Variants in ZNF704 observed in about 807,000 individuals in gnomAD.
The protein encoded by ZNF704 is glucocorticoid induced gene 1.
A neutral mutation model predicts 44.7 loss-of-function variants in ZNF704; 10 were observed. The observed-to-expected ratio is 0.22, with a 90% CI of 0.14 to 0.38. ZNF704 has a LOEUF of 0.38. Ranked by LOEUF, ZNF704 falls within the 10% of genes least tolerant of loss-of-function variation. The pLI is 1.00. For synonymous variants in ZNF704, 211 were observed against 207.6 expected, an observed-to-expected ratio of 1.02 and a Z score of -0.14; for missense variants, 390 against 545.5, an observed-to-expected ratio of 0.71 and a Z score of 2.84.
rs1817727590 is a variant in ZNF704, at chr8:80,640,664, TC to T, written c.*701del. 2.6e-5 allele frequency: 4 copies of T among 152,244 alleles called. No homozygotes were observed. The highest frequency in any genetic ancestry group is 9.6e-5 in the African/African-American group (4 of 41,456). The allele number at this position is 152,244 out of a possible 1,614,324, so 9.4% of individuals were successfully genotyped here. On this transcript the variant is annotated 3_prime_UTR_variant, in exon 9 of 9. Transcript: ENST00000327835. ...GTTTCCCAACAGTGACAGCTGGACT[TC>T]CTGAACTCAGCTTCGGGCTGAAGTC... is the stretch of plus-strand genomic sequence containing the variant.
upstream of ZNF704, among the ~76,000 whole-genome samples, chr8:80,876,014 C>A (rs902978811): frequency 6.6e-6 from 1 of 152,188 alleles, no homozygotes; most frequent in Non-Finnish European, 1.5e-5. Context: ...AAGTCCAACC[C>A]ATTGTTCTTT....
At chr8:80,799,109 T>TA (rs1807857158) in intron 2 of ZNF704, among the ~76,000 whole-genome samples, 1 of 152,202 alleles carries the variant, frequency 6.6e-6, no homozygotes. Flanking sequence ...ATTCACCTCT[T>TA]AAAGGCCTCA....
intron 2 of ZNF704, among the ~76,000 whole-genome samples, chr8:80,709,395 G>T (rs1818947153): frequency 8.2e-6 from 1 of 122,570 alleles, no homozygotes; most frequent in Non-Finnish European, 1.6e-5. Context: ...AATAAGCAGA[G>T]ATGGCACCAC....
chr8:80,656,088 C>T (rs1474081593), intron 7 of ZNF704, among the ~76,000 whole-genome samples: 1 of 152,294 alleles, frequency 6.6e-6, no homozygotes, highest in African/African-American at 2.4e-5. Flanking sequence ...GGATTAGTGT[C>T]CTTTAAGAAG....
chr8:80,815,897 G>C (rs997444527), intron 2 of ZNF704, among the ~76,000 whole-genome samples: 25 of 152,196 alleles, frequency 1.6e-4, no homozygotes, highest in Non-Finnish European at 2.8e-4. Context: ...GCAAGCACTG[G>C]TTCTGTAGAG....
intron 1 of ZNF704, among the ~76,000 whole-genome samples, chr8:80,852,376 T>A (rs1808880050): frequency 6.6e-6 from 1 of 152,228 alleles, no homozygotes. Flanking sequence ...CAATTTTTAA[T>A]AAAAGAAGTT....
intron 2 of ZNF704, among the ~76,000 whole-genome samples, chr8:80,735,605 T>G (rs1403450758): frequency 2.6e-5 from 4 of 152,182 alleles, no homozygotes; most frequent in Non-Finnish European, 5.9e-5. Context: ...GAATTACCAT[T>G]TGCTTCTCCC....
At chr8:80,656,884 A>G (rs150318663) in intron 7 of ZNF704, among the ~76,000 whole-genome samples, 236 of 152,314 alleles carry the variant, frequency 1.5e-3, no homozygotes, top group Admixed American at 0.014. Flanking sequence ...TATCACATGA[A>G]TATTTCTCTG....
At position 80,632,020 on chromosome 8, in the gene ZNF704, T is replaced by C. The variant is rs1817595204; in HGVS notation, c.*9346A>G. The stretch of plus-strand genomic sequence containing the variant: ...GGTAATCTTTCAATGGCAAATTCAC[T>C]GGGGCTTGCCAAGATGGGGGAAAGC... On this transcript the variant is annotated 3_prime_UTR_variant, in exon 9 of 9. Coordinates refer to ENST00000327835, the MANE Select transcript of ZNF704 (RefSeq NM_001033723.3). The C allele has an allele frequency of 6.6e-6, 1 of 152,196 alleles. No individual in the cohort carries two copies. Among genetic ancestry groups the C allele is most frequent in the East Asian group, 1.9e-4 (1 of 5,196 alleles). The allele number at this position is 152,196 out of a possible 1,614,324, so 9.4% of individuals were successfully genotyped here.
At position 80,821,578 on chromosome 8, in the gene ZNF704, T is replaced by A; in HGVS notation, c.17A>T (p.Gln6Leu). 6.2e-7 allele frequency: 1 copy of A among 1,613,438 alleles called. No homozygotes were observed. Among genetic ancestry groups the A allele is most frequent in the Non-Finnish European group, 8.5e-7 (1 of 1,179,874 alleles). The change falls in exon 2 of 9, where the codon CAG (glutamine) becomes CTG (leucine). Residue 6 changes from glutamine (Q) to leucine (L), a missense_variant. By Grantham distance (113) the Gln-to-Leu change is moderately radical. Transcript: ENST00000327835. Reference sequence around the variant, plus strand: ...ACAGTCACGTTTTAAGTCCTCTGACTGAAATGTGAAGGTCATTTCCCGCTT... The same window carrying A: ...ACAGTCACGTTTTAAGTCCTCTGACAGAAATGTGAAGGTCATTTCCCGCTT... MTFTF[Q>L]SEDLKRDCGK...
At chr8:80,879,735 A>G (rs369509432), upstream of ZNF704, among the ~76,000 whole-genome samples, 3 of 152,158 alleles carry the variant, frequency 2.0e-5, no homozygotes, top group Non-Finnish European at 4.4e-5. Context: ...AGTAGTTTCT[A>G]TGTTTTATTA....
At chr8:80,699,004 G>A (rs1818769324) in intron 2 of ZNF704, among the ~76,000 whole-genome samples, 2 of 152,144 alleles carry the variant, frequency 1.3e-5, no homozygotes, top group East Asian at 1.9e-4. Context: ...GGCAATTAAA[G>A]TGCTATAGTA....
At chr8:80,860,897 T>C (rs746503298) in intron 1 of ZNF704, among the ~76,000 whole-genome samples, 1 of 152,234 alleles carries the variant, frequency 6.6e-6, no homozygotes, top group African/African-American at 2.4e-5. Context: ...TGGATTTGTA[T>C]GGACCAGGTC....
intron 2 of ZNF704, among the ~76,000 whole-genome samples, chr8:80,718,350 T>C (rs1227824783): frequency 1.3e-5 from 2 of 151,200 alleles, no homozygotes; most frequent in African/African-American, 4.9e-5. Flanking sequence ...GAAGGCTAAA[T>C]CATTCTTCTC....
At chr8:80,650,283 C>A (rs1233429028) in intron 7 of ZNF704, among the ~76,000 whole-genome samples, 2 of 152,194 alleles carry the variant, frequency 1.3e-5, no homozygotes, top group African/African-American at 4.8e-5. Context: ...CGCAGCGCAG[C>A]TACTCACCAG....
chr8:80,776,924 G>C (rs1586019446), intron 2 of ZNF704: 1 of 152,234 alleles, frequency 6.6e-6, no homozygotes, highest in Non-Finnish European at 1.5e-5. Flanking sequence ...TCAGCCTCCT[G>C]AGTAGCTGGG....
At chr8:80,812,569 G>A (rs1417477268) in intron 2 of ZNF704, 2 of 152,438 alleles carry the variant, frequency 1.3e-5, no homozygotes, top group Non-Finnish European at 2.9e-5. Flanking sequence ...TTGCCTCTTG[G>A]CGTCTTAGGA....
intron 1 of ZNF704, among the ~76,000 whole-genome samples, chr8:80,856,161 G>T (rs1460701237): frequency 2.0e-5 from 3 of 152,080 alleles, no homozygotes; most frequent in Non-Finnish European, 4.4e-5. Flanking sequence ...GTCTTGCTTG[G>T]TTGCCGGGGC....
chr8:80,679,556 T>C (rs1818420237), intron 4 of ZNF704, among the ~76,000 whole-genome samples: 1 of 152,206 alleles, frequency 6.6e-6, no homozygotes, highest in Non-Finnish European at 1.5e-5. Context: ...TTTGCAAAGC[T>C]GGAATGTCCA....
Sources: gnomAD v4.1 joint callset for allele counts (sites outside exome capture counted in the v4.1 genomes callset) on GRCh38, gnomAD v4.1.1 for gene constraint, MANE v1.5 for transcripts, NCBI Gene and HGNC (gene_info 2026-07-23, HGNC 2026-07-21) for gene names.